The following UNC80 variants were observed in gnomAD, a reference collection of about 807,000 sequenced individuals.
UNC80 encodes the protein unc-80 subunit of NALCN channel complex.
Under a neutral mutation model 384.6 loss-of-function variants are expected in UNC80, and 164 were observed. The ratio of observed to expected loss-of-function variants is 0.43; its 90% CI spans 0.38 to 0.49. The LOEUF (loss-of-function observed/expected upper bound fraction) is 0.49. UNC80 is among the 20% of genes least tolerant of loss of function. The pLI, the probability that UNC80 is intolerant of heterozygous loss-of-function variation, is 0.00. For missense variants in UNC80, 3,330 were observed against 4,143.0 expected (o/e 0.80, Z 5.39); for synonymous variants, 1,486 against 1,527.8 (o/e 0.97, Z 0.64).
chr2:209,799,153 A>C (rs1308829656), intron 7 of UNC80, among the ~76,000 whole-genome samples: 3 of 151,852 alleles, frequency 2.0e-5, no homozygotes, highest in Non-Finnish European at 4.4e-5. Context: ...TTAATCTATA[A>C]ATTACTTTGG....
intron 7 of UNC80, among the ~76,000 whole-genome samples, chr2:209,810,113 T>C (rs777929608): frequency 5.9e-5 from 9 of 152,126 alleles, no homozygotes; most frequent in Non-Finnish European, 1.3e-4. Flanking sequence ...CCTAAGATGC[T>C]CTGGGCCTGA....
chr2:209,809,681 C>A (rs370135799), intron 7 of UNC80: 7 of 534,138 alleles, frequency 1.3e-5, no homozygotes, highest in African/African-American at 9.7e-5. Flanking sequence ...TGTCCTCATG[C>A]CACAGAATTC....
Position 209,834,115 on chromosome 2 carries a change from A to T in UNC80, c.2889A>T (p.Pro963=). 1 of 1,551,700 alleles carries T rather than the reference A, an allele frequency of 6.4e-7. No homozygotes were observed. Among genetic ancestry groups the T allele is most frequent in the Non-Finnish European group, 8.7e-7 (1 of 1,146,972 alleles). The change falls in exon 17 of 65, where the codon CCA becomes CCT. Residue 963 remains proline (P), a synonymous_variant. Coordinates refer to ENST00000673920, the MANE Select transcript of UNC80 (RefSeq NM_001371986.1). ...TTGACAGTGCCGAGAAGTTAGCACCAGGGAAAAAGGTGGAGGAGAATGAAC... is the reference window on the plus strand; with the variant it reads ...TTGACAGTGCCGAGAAGTTAGCACCTGGGAAAAAGGTGGAGGAGAATGAAC... ...ALLDSAEKLA[P]GKKVEENEQE... is the part of the protein sequence containing the mutation.
chr2:209,848,789 C>T (rs2082327137), intron 21 of UNC80, among the ~76,000 whole-genome samples: 1 of 152,082 alleles, frequency 6.6e-6, no homozygotes, highest in South Asian at 2.1e-4. Flanking sequence ...AGAGTAGGTT[C>T]CCGCATTTTT....
In UNC80 at chr2:209,959,130, A is replaced by G. The variant is rs568802869; in HGVS notation, c.7562A>G (p.Gln2521Arg). Residue 2521 changes from glutamine (Q) to arginine (R), a missense_variant, in exon 50 of 65, where the codon CAA (glutamine) becomes CGA (arginine). Gln to Arg is a conservative substitution (Grantham distance 43). Coordinates refer to ENST00000673920, the MANE Select transcript of UNC80 (RefSeq NM_001371986.1). ...TTTCTGACTCCCAGGTACCAGGAAC[A>G]AGGAGCCAAACTGCACTTTATCAGG... ...SSGVNTRYQEQGAKLHFIREN... is the reference protein window; with the variant it reads ...SSGVNTRYQERGAKLHFIREN... The G allele has an allele frequency of 1.3e-6, 2 of 1,552,150 alleles. No homozygotes were observed. The highest frequency in any genetic ancestry group is 2.4e-5 in the East Asian group (1 of 40,910).
intron 61 of UNC80, among the ~76,000 whole-genome samples, chr2:209,989,037 G>A (rs1183106169): frequency 1.3e-5 from 2 of 152,032 alleles, no homozygotes; most frequent in Non-Finnish European, 2.9e-5. Flanking sequence ...ACCTGACTGG[G>A]CACCGTGGCT....
At chr2:209,817,715 C>G in intron 10 of UNC80, 97 bp from the exon 11 acceptor site, 1 of 1,424,018 alleles carries the variant, frequency 7.0e-7, no homozygotes, top group Non-Finnish European at 9.5e-7. Context: ...TCCTAACAGC[C>G]CCACACTCTC....
chr2:209,971,807 A>C (rs2092895425), intron 54 of UNC80, among the ~76,000 whole-genome samples: 1 of 152,226 alleles, frequency 6.6e-6, no homozygotes, highest in African/African-American at 2.4e-5. Context: ...AAGGCCTTTC[A>C]TGGCAGGGGC....
rs2079653900 is a variant in UNC80 at position 209,815,329 on chromosome 2, A to G, written c.1273A>G (p.Asn425Asp). The change falls in exon 9 of 65, where the codon AAT becomes GAT. Residue 425 changes from asparagine (N) to aspartate (D), a missense_variant. By Grantham distance (23) the Asn-to-Asp change is conservative. This residue lies in a region of UNC80 where 937 missense variants were observed against 1,026.8 expected (regional missense o/e 0.91). Transcript: ENST00000673920. ...SEAFSKVSLT[N>D]LRRSAVPDLS... ...GGCCTTTTCCAAGGTTTCACTGACC[A>G]ATCTGCGTAGATCTGCAGTCCCAGA... The G allele has an allele frequency of 7.7e-6, 12 of 1,551,736 alleles. No homozygotes were observed. Among genetic ancestry groups the G allele is most frequent in the Non-Finnish European group, 1.0e-5 (12 of 1,146,996 alleles).
At chr2:209,901,966 GCCAC>G (rs2087463914) in intron 28 of UNC80, among the ~76,000 whole-genome samples, 1 of 151,954 alleles carries the variant, frequency 6.6e-6, no homozygotes, top group Non-Finnish European at 1.5e-5. Flanking sequence ...GGGTATAGCT[GCCAC>G]CACAGACAGT....
intron 48 of UNC80, among the ~76,000 whole-genome samples, chr2:209,956,896 G>A (rs950269333): frequency 2.0e-4 from 31 of 152,270 alleles, no homozygotes; most frequent in African/African-American, 7.2e-4. Flanking sequence ...TGGTGTGATC[G>A]TTAAAAGCTT....
chr2:209,866,629 A>T (rs2083853971), intron 22 of UNC80, among the ~76,000 whole-genome samples: 1 of 151,272 alleles, frequency 6.6e-6, no homozygotes, highest in African/African-American at 2.4e-5. Context: ...CCTGTGTTTT[A>T]GTCTATCCAT....
intron 18 of UNC80, among the ~76,000 whole-genome samples, chr2:209,836,449 G>A (rs2081341400): frequency 6.6e-6 from 1 of 152,126 alleles, no homozygotes; most frequent in African/African-American, 2.4e-5. Context: ...GCCATTCACT[G>A]TATATTTCTA....
At chr2:209,984,611 T>C (rs997182091) in intron 60 of UNC80, among the ~76,000 whole-genome samples, 1 of 152,164 alleles carries the variant, frequency 6.6e-6, no homozygotes, top group African/African-American at 2.4e-5. Flanking sequence ...TCTTGACCAA[T>C]AAATAGGTTA....
chr2:209,879,090 A>G (rs2085046286), intron 24 of UNC80, among the ~76,000 whole-genome samples: 1 of 152,088 alleles, frequency 6.6e-6, no homozygotes, highest in Non-Finnish European at 1.5e-5. Flanking sequence ...ACCTTATCAA[A>G]TCAGAGCAAA....
chr2:209,930,013 G>A (rs776009477), intron 37 of UNC80, 42 bp downstream of exon 37: 1 of 1,345,106 alleles, frequency 7.4e-7, no homozygotes, highest in Non-Finnish European at 1.0e-6. Context: ...GTGGCTACAA[G>A]TGTGAACACT....
chr2:209,921,397 G>C (rs757877483), intron 33 of UNC80, 103 bp from the exon 34 acceptor site: 62 of 1,166,412 alleles, frequency 5.3e-5, no homozygotes, highest in Non-Finnish European at 6.6e-5. Flanking sequence ...AACATTTCCT[G>C]AGGACAAACT....
At chr2:209,835,883 A>G (rs963663510) in intron 18 of UNC80, among the ~76,000 whole-genome samples, 1 of 152,254 alleles carries the variant, frequency 6.6e-6, no homozygotes, top group African/African-American at 2.4e-5. Context: ...TCTTCAAAGA[A>G]AAAATGCCCA....
In UNC80 at chr2:209,882,092, G is replaced by A. The variant is rs144098129; in HGVS notation, c.4110+998G>A. The stretch of plus-strand genomic sequence containing the variant: ...CACCATTCTCCTGCCACAGCCTCCC[G>A]AGTAGCTGGGACTACAGGCGCGTGC... On this transcript the variant is annotated intron_variant, in intron 25 of 64. Coordinates refer to ENST00000673920, the MANE Select transcript of UNC80 (RefSeq NM_001371986.1). 2.3e-3 allele frequency among the ~76,000 whole-genome samples: 345 copies of A among 150,122 alleles called. 2 individuals are homozygous for A. Among genetic ancestry groups the A allele is most frequent in the African/African-American group, 7.8e-3 (317 of 40,758 alleles).
Sources: allele counts gnomAD v4.1 joint callset (sites outside exome capture counted in the v4.1 genomes callset), GRCh38; gene constraint gnomAD v4.1.1; regional missense constraint gnomAD v4.1.1; transcripts MANE v1.5; gene names NCBI Gene and HGNC (gene_info 2026-07-23, HGNC 2026-07-21).